PDS5A: variants seen among roughly 807,000 people sequenced by gnomAD.
The protein encoded by PDS5A is sister chromatid cohesion protein PDS5 homolog A.
PDS5A carries 42 observed loss-of-function variants against 167.1 expected under a neutral mutation model. That is an observed-to-expected ratio of 0.25 (90% CI 0.20 to 0.33). The LOEUF (loss-of-function observed/expected upper bound fraction) is 0.33, where lower values mean the gene tolerates loss of function less well. Ranked by LOEUF, PDS5A falls within the 10% of genes least tolerant of loss-of-function variation. The probability of loss-of-function intolerance (pLI) is 1.00; values close to 1 mark genes in which losing one functional copy is unlikely to be tolerated. For missense variants in PDS5A, 1,033 were observed against 1,605.9 expected (o/e 0.64, Z 6.10); for synonymous variants, 553 against 554.6 (o/e 1.00, Z 0.04).
chr4:39,873,294 A>G, intron 20 of PDS5A, 150 bp from the exon 21 acceptor site: 1 of 416,070 alleles, frequency 2.4e-6, no homozygotes. Flanking sequence ...AACCATGTTA[A>G]GACACCTGGT....
intron 2 of PDS5A, among the ~76,000 whole-genome samples, chr4:39,956,124 A>C (rs564491822): frequency 7.9e-5 from 12 of 151,994 alleles, no homozygotes; most frequent in African/African-American, 2.7e-4. Context: ...TCTCAAAAAA[A>C]AAAAAGAACA....
chr4:39,918,253 AT>A (rs1199581236), intron 7 of PDS5A, among the ~76,000 whole-genome samples: 2 of 149,874 alleles, frequency 1.3e-5, no homozygotes, highest in Admixed American at 6.7e-5. Context: ...AAGCTGAAGG[AT>A]TTTTTTTTGT....
chr4:39,947,073 T>A (rs1560508095), intron 2 of PDS5A, among the ~76,000 whole-genome samples: 2 of 152,188 alleles, frequency 1.3e-5, no homozygotes, highest in South Asian at 2.1e-4. Context: ...GAAGACCCTA[T>A]CTCTATTGAG....
At chr4:39,838,278 T>A in intron 31 of PDS5A, 70 bp from the exon 32 acceptor site, 1 of 1,156,614 alleles carries the variant, frequency 8.6e-7, no homozygotes, top group Admixed American at 2.9e-5. Flanking sequence ...TAGAAAAGAG[T>A]GTTTTGAAAG....
At chr4:39,922,134 G>A (rs951357987) in intron 6 of PDS5A, among the ~76,000 whole-genome samples, 1 of 152,082 alleles carries the variant, frequency 6.6e-6, no homozygotes, top group East Asian at 1.9e-4. Context: ...ATAGAAAAAG[G>A]AAACAGGGAA....
At chr4:39,850,215 T>A (rs1717999924) in intron 26 of PDS5A, among the ~76,000 whole-genome samples, 1 of 147,572 alleles carries the variant, frequency 6.8e-6, no homozygotes, top group Admixed American at 6.9e-5. Context: ...GAGCTTACAG[T>A]GAGCTGAGAC....
At chr4:39,895,872 C>T (rs1023361609) in intron 16 of PDS5A, among the ~76,000 whole-genome samples, 6 of 151,730 alleles carry the variant, frequency 4.0e-5, no homozygotes, top group African/African-American at 1.4e-4. Flanking sequence ...CGCCCGCCAC[C>T]ATGCTCAGCT....
intron 2 of PDS5A, chr4:39,973,417 G>C (rs879124581): frequency 6.0e-5 from 92 of 1,541,430 alleles, no homozygotes; most frequent in Admixed American, 8.4e-5. Context: ...CTGTGGAACG[G>C]TGTGGACAGC....
intron 17 of PDS5A, among the ~76,000 whole-genome samples, chr4:39,887,004 T>C (rs1042640503): frequency 4.6e-5 from 7 of 152,282 alleles, no homozygotes; most frequent in African/African-American, 1.7e-4. Flanking sequence ...CATTTATCTG[T>C]TCAAAACAGT....
intron 2 of PDS5A, among the ~76,000 whole-genome samples, chr4:39,947,488 G>A (rs570298988): frequency 6.6e-6 from 1 of 152,198 alleles, no homozygotes; most frequent in Admixed American, 6.5e-5. Flanking sequence ...AAATAAACAT[G>A]AGGGAGTAAA....
chr4:39,975,106 CAAAA>C (rs57418654), intron 2 of PDS5A, among the ~76,000 whole-genome samples: 3 of 85,242 alleles, frequency 3.5e-5, no homozygotes, highest in Non-Finnish European at 4.6e-5. Flanking sequence ...GACTCCGTCT[CAAAA>C]AAAAAAAAAA....
intron 2 of PDS5A, among the ~76,000 whole-genome samples, chr4:39,946,819 A>G (rs1411296041): frequency 6.6e-6 from 1 of 152,166 alleles, no homozygotes; most frequent in Non-Finnish European, 1.5e-5. Flanking sequence ...AGGCTGAGGC[A>G]GGAGAATCGC....
intron 2 of PDS5A, among the ~76,000 whole-genome samples, chr4:39,943,165 C>G (rs1727393688): frequency 7.1e-6 from 1 of 140,712 alleles, no homozygotes; most frequent in Non-Finnish European, 1.6e-5. Flanking sequence ...CACACACACA[C>G]ACACGCACGC....
At chr4:39,865,410 T>C (rs1322253760) in intron 23 of PDS5A, among the ~76,000 whole-genome samples, 1 of 152,132 alleles carries the variant, frequency 6.6e-6, no homozygotes, top group African/African-American at 2.4e-5. Context: ...ATGATAAAAA[T>C]AGAGCGTAGT....
At chr4:39,954,383 A>G (rs953134293) in intron 2 of PDS5A, among the ~76,000 whole-genome samples, 1 of 151,908 alleles carries the variant, frequency 6.6e-6, no homozygotes, top group African/African-American at 2.4e-5. Flanking sequence ...ACATGCCACG[A>G]TCTCAGCTCA....
intron 16 of PDS5A, among the ~76,000 whole-genome samples, chr4:39,897,072 T>C (rs1189730088): frequency 6.6e-6 from 1 of 152,164 alleles, no homozygotes; most frequent in East Asian, 1.9e-4. Context: ...GCCAAAATGT[T>C]GTCATGCAGT....
intron 28 of PDS5A, chr4:39,846,081 G>C (rs557070261): frequency 2.8e-6 from 1 of 362,534 alleles, no homozygotes; most frequent in Non-Finnish European, 4.5e-6. Flanking sequence ...CTGATGGCAC[G>C]CAGACTTAGG....
chr4:39,966,421 T>C (rs1729970515), intron 2 of PDS5A, among the ~76,000 whole-genome samples: 1 of 152,166 alleles, frequency 6.6e-6, no homozygotes, highest in Non-Finnish European at 1.5e-5. Flanking sequence ...CCTACGTTAA[T>C]ATCAATTCCA....
At chr4:39,946,862 A>G (rs1727821421) in intron 2 of PDS5A, among the ~76,000 whole-genome samples, 1 of 152,126 alleles carries the variant, frequency 6.6e-6, no homozygotes, top group African/African-American at 2.4e-5. Flanking sequence ...GCAGTGAGCC[A>G]AGATTGCACC....
Sources: allele counts gnomAD v4.1 joint callset (sites outside exome capture counted in the v4.1 genomes callset), GRCh38; gene constraint gnomAD v4.1.1; transcripts MANE v1.5; gene names NCBI Gene and HGNC (gene_info 2026-07-23, HGNC 2026-07-21).